Variants in PHACTR1 observed in about 807,000 individuals in gnomAD.
PHACTR1 encodes RPEL repeat containing 1.
In PHACTR1, 16 loss-of-function variants were observed where a neutral mutation model predicts 69.2. The observed-to-expected ratio is 0.23, with a 90% CI of 0.16 to 0.35. PHACTR1 has a LOEUF of 0.35. Among genes scored for constraint, PHACTR1 ranks in the 10% least tolerant of loss-of-function variants. PHACTR1 has a pLI of 1.00. For synonymous variants in PHACTR1, 312 were observed against 284.5 expected, an observed-to-expected ratio of 1.10 and a Z score of -0.97; for missense variants, 510 against 734.7, an observed-to-expected ratio of 0.69 and a Z score of 3.54.
chr6:13,219,359 A>G (rs922070351), intron 8 of PHACTR1, among the ~76,000 whole-genome samples: 4 of 152,194 alleles, frequency 2.6e-5, no homozygotes, highest in Non-Finnish European at 5.9e-5. Context: ...GACAGGTAAT[A>G]AGCCTGTGAA....
intron 7 of PHACTR1, among the ~76,000 whole-genome samples, chr6:13,191,253 G>T (rs951378184): frequency 8.5e-5 from 13 of 152,048 alleles, no homozygotes; most frequent in African/African-American, 3.1e-4. Flanking sequence ...GAAAAAAAAT[G>T]AATGTTTGCA....
intron 4 of PHACTR1, among the ~76,000 whole-genome samples, chr6:12,868,407 C>A (rs1342249773): frequency 6.6e-6 from 1 of 151,912 alleles, no homozygotes; most frequent in Non-Finnish European, 1.5e-5. Context: ...TCTAAAGATG[C>A]ATTTGGCATG....
intron 4 of PHACTR1, among the ~76,000 whole-genome samples, chr6:12,764,794 T>A (rs367993137): frequency 3.9e-5 from 6 of 152,092 alleles, no homozygotes; most frequent in Admixed American, 1.3e-4. Flanking sequence ...TCTATCATCA[T>A]GCATAGAAGG....
chr6:13,080,390 C>T (rs1425056736), intron 5 of PHACTR1, among the ~76,000 whole-genome samples: 2 of 152,106 alleles, frequency 1.3e-5, no homozygotes, highest in South Asian at 2.1e-4. Context: ...AGTTTTTACC[C>T]AGCTGGTTTA....
At chr6:13,243,398 G>A (rs906352525) in intron 10 of PHACTR1, among the ~76,000 whole-genome samples, 1 of 152,116 alleles carries the variant, frequency 6.6e-6, no homozygotes, top group African/African-American at 2.4e-5. Flanking sequence ...AGGAGGCAAT[G>A]AATAAACTCT....
chr6:13,238,871 TTA>T (rs1214574190), intron 10 of PHACTR1, among the ~76,000 whole-genome samples: 2 of 152,214 alleles, frequency 1.3e-5, no homozygotes, highest in Admixed American at 1.3e-4. Flanking sequence ...CAACTTGGAC[TTA>T]CTTAGTGTCC....
rs149873058 is a variant in PHACTR1 at position 12,930,848 on chromosome 6, C to T, written c.251-122517C>T. 4.9e-3 allele frequency among the ~76,000 whole-genome samples: 742 copies of T among 151,908 alleles called. 5 individuals are homozygous for T. The highest frequency in any genetic ancestry group is 7.6e-3 in the Non-Finnish European group (516 of 67,948). On this transcript the variant is annotated intron_variant, in intron 4 of 14. Transcript: ENST00000332995. ...GGCAGATCACCTGAGGTTAGGAGTTCGAGACCAGCCTGACCAACATGGTGA... is the reference window on the plus strand; with the variant it reads ...GGCAGATCACCTGAGGTTAGGAGTTTGAGACCAGCCTGACCAACATGGTGA...
At chr6:13,165,431 A>G (rs1759651419) in intron 6 of PHACTR1, among the ~76,000 whole-genome samples, 1 of 152,234 alleles carries the variant, frequency 6.6e-6, no homozygotes. Context: ...TATTCATTCA[A>G]CAAATTGGCA....
At chr6:13,006,166 A>G (rs1352544713) in intron 4 of PHACTR1, among the ~76,000 whole-genome samples, 1 of 152,226 alleles carries the variant, frequency 6.6e-6, no homozygotes, top group Non-Finnish European at 1.5e-5. Context: ...AATACAGATG[A>G]TAGATAAGAA....
At chr6:13,037,255 A>C (rs756417319) in intron 4 of PHACTR1, among the ~76,000 whole-genome samples, 5 of 152,120 alleles carry the variant, frequency 3.3e-5, no homozygotes, top group Non-Finnish European at 5.9e-5. Flanking sequence ...CAGAATAGGT[A>C]TCTCTCTCTA....
intron 3 of PHACTR1, among the ~76,000 whole-genome samples, chr6:12,748,913 A>G (rs936266945): frequency 1.3e-5 from 2 of 152,164 alleles, no homozygotes; most frequent in African/African-American, 2.4e-5. Context: ...ACTTGTAGAC[A>G]TTTTTCCTCC....
intron 4 of PHACTR1, among the ~76,000 whole-genome samples, chr6:12,779,626 T>G (rs1196625695): frequency 6.6e-6 from 1 of 152,212 alleles, no homozygotes; most frequent in Non-Finnish European, 1.5e-5. Flanking sequence ...TTTTAACCCA[T>G]TTGGTGTAAT....
chr6:13,238,641 T>G lies in PHACTR1; in HGVS notation c.1391+8448T>G, dbSNP rs147598114. Among the ~76,000 whole-genome samples, 354 of 152,264 alleles carry G rather than the reference T, an allele frequency of 2.3e-3. 1 individual carries two copies. Among genetic ancestry groups the G allele is most frequent in the African/African-American group, 8.0e-3 (332 of 41,556 alleles). On this transcript the variant is annotated intron_variant, in intron 10 of 14. Coordinates refer to ENST00000332995, the MANE Select transcript of PHACTR1 (RefSeq NM_030948.6). The stretch of plus-strand genomic sequence containing the variant: ...GGCAATAAAATACAGTAATCTTGAC[T>G]TCTAAATGTAGTTTGGGTAGTGTTT...
At chr6:13,204,805 T>C (rs1765675753) in intron 7 of PHACTR1, among the ~76,000 whole-genome samples, 1 of 152,146 alleles carries the variant, frequency 6.6e-6, no homozygotes, top group African/African-American at 2.4e-5. Flanking sequence ...AGGATGGTCG[T>C]CCCTAGGTGA....
intron 4 of PHACTR1, among the ~76,000 whole-genome samples, chr6:12,874,473 C>A (rs558708248): frequency 1.3e-5 from 2 of 152,296 alleles, no homozygotes; most frequent in East Asian, 3.9e-4. Context: ...TCATATCTTT[C>A]TTCTTCCTCA....
intron 4 of PHACTR1, among the ~76,000 whole-genome samples, chr6:12,772,354 AT>A (rs1410551160): frequency 6.6e-6 from 1 of 152,180 alleles, no homozygotes; most frequent in East Asian, 1.9e-4. Flanking sequence ...TCCAAATGTA[AT>A]TTCTTGATAT....
chr6:12,988,839 C>G (rs976327291), intron 4 of PHACTR1, among the ~76,000 whole-genome samples: 1 of 152,220 alleles, frequency 6.6e-6, no homozygotes, highest in Non-Finnish European at 1.5e-5. Flanking sequence ...TAAGAGCCTA[C>G]TCATCTCACA....
chr6:12,929,069 T>C (rs1269858267), intron 4 of PHACTR1, among the ~76,000 whole-genome samples: 5 of 152,180 alleles, frequency 3.3e-5, no homozygotes, highest in Admixed American at 2.0e-4. Context: ...CAGCTCCATT[T>C]CGGAGTTCAT....
chr6:13,206,153 G>A lies in PHACTR1; in HGVS notation c.986+17G>A, dbSNP rs114091869. ...GCTGGAAAGGTAAAGGTGGGCACCA[G>A]GAGGGAGGACGGGAGGAGAGGGGTT... On this transcript the variant is annotated intron_variant, in intron 8 of 14. Transcript: ENST00000332995. The A allele has an allele frequency of 0.024, 37,364 of 1,550,912 alleles. 532 individuals are homozygous for A. Among genetic ancestry groups the A allele is most frequent in the Non-Finnish European group, 0.027 (30,662 of 1,143,336 alleles).
Sources: gnomAD v4.1 joint callset for allele counts (sites outside exome capture counted in the v4.1 genomes callset) on GRCh38, gnomAD v4.1.1 for gene constraint, MANE v1.5 for transcripts, NCBI Gene and HGNC (gene_info 2026-07-23, HGNC 2026-07-21) for gene names.